The following FSCN2 variants were observed in gnomAD, a reference collection of about 807,000 sequenced individuals.
The protein encoded by FSCN2 is fascin-2.
In FSCN2, 46 loss-of-function variants were observed where a neutral mutation model predicts 37.8. The ratio of observed to expected loss-of-function variants is 1.22; its 90% confidence interval spans 0.96 to 1.56. The LOEUF (loss-of-function observed/expected upper bound fraction) is 1.56. Among genes scored for constraint, FSCN2 ranks in the 40% most tolerant of loss-of-function variants. The probability of loss-of-function intolerance (pLI) is 0.00; values close to 1 mark genes in which losing one functional copy is unlikely to be tolerated. For synonymous variants in FSCN2, 351 were observed against 309.4 expected (o/e 1.13, Z -1.41); for missense variants, 844 against 730.4 (o/e 1.16, Z -1.79).
rs782301642 is a variant in FSCN2 at position 81,528,544 on chromosome 17, G to A, written c.13G>A (p.Gly5Ser). The A allele has an allele frequency of 8.8e-6, 14 of 1,597,404 alleles. No homozygotes were observed. Among genetic ancestry groups the A allele is most frequent in the East Asian group, 4.5e-5 (2 of 43,998 alleles). Residue 5 changes from glycine (G) to serine (S), a missense_variant, in exon 1 of 5, where the codon GGC becomes AGC. Coordinates refer to ENST00000417245, the MANE Select transcript of FSCN2 (RefSeq NM_012418.4). ...GGCCAGCCTGAAGATGCCGACGAAC[G>A]GCCTGCACCAGGTGCTGAAGATCCA... MPTNGLHQVLKIQFG... is the reference protein window; with the variant it reads MPTNSLHQVLKIQFG...
intron 1 of FSCN2, among the ~76,000 whole-genome samples, chr17:81,531,489 A>ATGATGGTGATGG (rs2032593405): frequency 4.8e-5 from 4 of 83,694 alleles, no homozygotes; most frequent in Non-Finnish European, 7.3e-5. Context: ...GATGGTGATG[A>ATGATGGTGATGG]TGGTGATGGT....
chr17:81,515,101 C>T, the FSCN2 span, among the ~76,000 whole-genome samples: 1 of 145,112 alleles, frequency 6.9e-6, no homozygotes, highest in Non-Finnish European at 1.5e-5. Context: ...GGCGGGGATG[C>T]GGGTCTGCCT....
upstream of FSCN2, among the ~76,000 whole-genome samples, chr17:81,525,425 C>CAAAAAAAAA (rs1202765459): frequency 6.3e-5 from 3 of 47,874 alleles, no homozygotes; most frequent in African/African-American, 1.7e-4. Context: ...GACTCTGTCT[C>CAAAAAAAAA]AAAAAAAAAA....
At chr17:81,531,258 A>ATGATGGTGG (rs1807261502) in intron 1 of FSCN2, among the ~76,000 whole-genome samples, 1 of 70,198 alleles carries the variant, frequency 1.4e-5, no homozygotes, top group East Asian at 4.1e-4. Flanking sequence ...GGTGATGGTG[A>ATGATGGTGG]TGATGGTGGT....
At chr17:81,530,315 C>T (rs2032508609) in intron 1 of FSCN2, among the ~76,000 whole-genome samples, 1 of 152,240 alleles carries the variant, frequency 6.6e-6, no homozygotes, top group South Asian at 2.1e-4. Flanking sequence ...GGGGAGGCAC[C>T]TCCCTGCCCC....
chr17:81,524,109 A>G (rs1044665816), upstream of FSCN2, among the ~76,000 whole-genome samples: 5 of 152,200 alleles, frequency 3.3e-5, no homozygotes, highest in Non-Finnish European at 7.3e-5. Flanking sequence ...GCACCTCAGA[A>G]AGGGAACGAT....
chr17:81,516,973 T>C, the FSCN2 span, among the ~76,000 whole-genome samples: 59,816 of 151,838 alleles, frequency 0.39, 12,289 homozygotes, highest in African/African-American at 0.46. Context: ...AGTCCCAGAC[T>C]GTGGAGTTTT....
chr17:81,536,460 G>A (rs1193958536), intron 3 of FSCN2, 162 bp from the exon 4 acceptor site: 6 of 1,499,112 alleles, frequency 4.0e-6, no homozygotes, highest in Non-Finnish European at 5.3e-6. Context: ...CCTTATCTCC[G>A]CTGCTGGGAA....
chr17:81,518,699 G>T, the FSCN2 span, among the ~76,000 whole-genome samples: 1 of 152,168 alleles, frequency 6.6e-6, no homozygotes, highest in South Asian at 2.1e-4. Flanking sequence ...ACCGAGGTAG[G>T]GAAAGCCTGT....
chr17:81,529,094 CCT>C lies in FSCN2; in HGVS notation c.564_565del (p.Cys189Ter). 6.3e-7 allele frequency: 1 copy of C among 1,588,390 alleles called. No individual in the cohort carries two copies. ...CGGAGCCGACGGTACTGCCTCAAGT[CCT>C]GTGACAGCCGCTACCTGCGCAGCGA... is the stretch of plus-strand genomic sequence containing the variant. On this transcript the variant is annotated frameshift_variant, in exon 1 of 5. Transcript: ENST00000417245. LOFTEE classifies it high-confidence loss of function.
At position 81,533,931 on chromosome 17, in the gene FSCN2, C is replaced by T. The variant is rs1292707820; in HGVS notation, c.827-1121C>T. On this transcript the variant is annotated intron_variant, in intron 1 of 4. Transcript: ENST00000417245. Reference sequence around the variant, plus strand: ...GCAGGGACGGCGTTCCCACACCTCTCATGGGCCCCTCCTGCGGGCTCCTGC... The same window carrying T: ...GCAGGGACGGCGTTCCCACACCTCTTATGGGCCCCTCCTGCGGGCTCCTGC... 2.0e-5 allele frequency among the ~76,000 whole-genome samples: 3 copies of T among 152,312 alleles called. No homozygotes were observed. In the East Asian group the frequency reaches 5.8e-4, roughly 29 times the overall value.
chr17:81,519,830 C>T, the FSCN2 span, among the ~76,000 whole-genome samples: 1 of 152,234 alleles, frequency 6.6e-6, no homozygotes, highest in African/African-American at 2.4e-5. Flanking sequence ...GGACAGGAGG[C>T]ACCCACAGAG....
the FSCN2 span, among the ~76,000 whole-genome samples, chr17:81,517,616 G>T: frequency 6.6e-6 from 1 of 152,246 alleles, no homozygotes; most frequent in African/African-American, 2.4e-5. Context: ...ATAGCCCCAG[G>T]CCCGTTTGTG....
At chr17:81,522,550 G>A in the FSCN2 span, among the ~76,000 whole-genome samples, 2 of 152,224 alleles carry the variant, frequency 1.3e-5, no homozygotes, top group African/African-American at 2.4e-5. Flanking sequence ...TCCCCAGCAC[G>A]GTTCCTGGCA....
chr17:81,525,119 C>T (rs952248926), upstream of FSCN2, among the ~76,000 whole-genome samples: 1 of 151,816 alleles, frequency 6.6e-6, no homozygotes, highest in Non-Finnish European at 1.5e-5. Flanking sequence ...AACCCTGTCT[C>T]TAAGATAAAT....
upstream of FSCN2, chr17:81,527,879 G>C (rs2032397747): frequency 6.5e-6 from 1 of 154,412 alleles, no homozygotes; most frequent in Non-Finnish European, 1.4e-5. Flanking sequence ...GGCCGGTCTG[G>C]GGTGGAGGCG....
chr17:81,526,834 C>T (rs1017464826), upstream of FSCN2, among the ~76,000 whole-genome samples: 1 of 152,208 alleles, frequency 6.6e-6, no homozygotes, highest in Non-Finnish European at 1.5e-5. Context: ...GTGCCTGGCA[C>T]GTGACCTGGT....
At chr17:81,532,533 ATAG>A (rs1465140191) in intron 1 of FSCN2, among the ~76,000 whole-genome samples, 18 of 116,430 alleles carry the variant, frequency 1.5e-4, no homozygotes, top group South Asian at 8.9e-4. Flanking sequence ...GATGATGATG[ATAG>A]TGATGGTGGT....
At chr17:81,536,377 A>G in intron 3 of FSCN2, 110 bp downstream of exon 3, 1 of 1,457,478 alleles carries the variant, frequency 6.9e-7, no homozygotes, top group Non-Finnish European at 9.2e-7. Flanking sequence ...CAGCCCACGG[A>G]ACGGGTGCTG....
Sources: gnomAD v4.1 joint callset for allele counts (sites outside exome capture counted in the v4.1 genomes callset) on GRCh38, gnomAD v4.1.1 for gene constraint, MANE v1.5 for transcripts, NCBI Gene and HGNC (gene_info 2026-07-23, HGNC 2026-07-21) for gene names.